MYCBP2: variants seen among roughly 807,000 people sequenced by gnomAD.
MYCBP2 encodes MYC binding protein 2.
Under a neutral mutation model 525.3 loss-of-function variants are expected in MYCBP2, and 120 were observed. That is an observed-to-expected ratio of 0.23 (90% CI 0.20 to 0.27). MYCBP2 has a LOEUF of 0.27. MYCBP2 is among the 10% of genes least tolerant of loss of function. The pLI is 1.00. For synonymous variants in MYCBP2, 1,894 were observed against 1,955.8 expected, an observed-to-expected ratio of 0.97 and a Z score of 0.83; for missense variants, 4,149 against 5,657.1, an observed-to-expected ratio of 0.73 and a Z score of 8.55.
rs1331832463 is a variant in MYCBP2 at position 77,098,346 on chromosome 13, G to A, written c.8808C>T (p.Cys2936=). The change falls in exon 56 of 83, where the codon TGC becomes TGT. Residue 2936 remains cysteine (C), a synonymous_variant. Transcript: ENST00000544440. ...TATTTGTTTTTAAAGTACTTGAGGT[G>A]CAGACTTCGACCACCTCACTGTGGA... The part of the protein sequence containing the change: ...ENLHSEVVEV[C]TSSTLKTNSL... The A allele has an allele frequency of 1.9e-6, 3 of 1,612,098 alleles. No individual in the cohort carries two copies. Among genetic ancestry groups the A allele is most frequent in the Non-Finnish European group, 2.5e-6 (3 of 1,179,776 alleles).
intron 72 of MYCBP2, among the ~76,000 whole-genome samples, 171 bp from the exon 73 acceptor site, chr13:77,064,905 T>C (rs1400839656): frequency 2.6e-5 from 4 of 152,168 alleles, no homozygotes; most frequent in South Asian, 2.1e-4. Context: ...CGTGATCCTA[T>C]GGAAAATTCA....
chr13:77,126,283 T>C (rs545086013), intron 53 of MYCBP2, 35 bp downstream of exon 53: 2 of 1,557,896 alleles, frequency 1.3e-6, no homozygotes, highest in Non-Finnish European at 8.8e-7. Context: ...TAAAAATGAG[T>C]ATCTTAGAAG....
At chr13:77,103,155 G>T in intron 55 of MYCBP2, 1 of 396,920 alleles carries the variant, frequency 2.5e-6, no homozygotes, top group South Asian at 1.3e-4. Context: ...CATCTTTAAT[G>T]ACACTCCTTA....
rs184319166 is a variant in MYCBP2 at position 77,116,404 on chromosome 13, G to C, written c.8140+4969C>G. Among the ~76,000 whole-genome samples the C allele has an allele frequency of 3.0e-3, 448 of 151,794 alleles. 1 individual carries two copies. The highest frequency in any genetic ancestry group is 9.6e-3 in the African/African-American group (397 of 41,452). ...CCTTGCTTGGGGAGTCTTAAATGTT[G>C]GCACTTTGCCACATTTACCTTTCCC... On this transcript the variant is annotated intron_variant, in intron 55 of 82. Coordinates refer to ENST00000544440, the MANE Select transcript of MYCBP2 (RefSeq NM_015057.5).
chr13:77,253,590 A>G (rs1317883324), intron 14 of MYCBP2, among the ~76,000 whole-genome samples: 1 of 151,962 alleles, frequency 6.6e-6, no homozygotes, highest in African/African-American at 2.4e-5. Flanking sequence ...AAGGGCAGAG[A>G]GGAACATACA....
chr13:77,102,869 T>C (rs1349477034), intron 55 of MYCBP2, among the ~76,000 whole-genome samples: 1 of 151,974 alleles, frequency 6.6e-6, no homozygotes, highest in Non-Finnish European at 1.5e-5. Flanking sequence ...ACATATATCA[T>C]CTTTTTCTGA....
intron 14 of MYCBP2, among the ~76,000 whole-genome samples, chr13:77,254,151 A>G (rs2154331888): frequency 6.6e-6 from 1 of 152,080 alleles, no homozygotes; most frequent in Admixed American, 6.5e-5. Context: ...TAACAGATTA[A>G]CACTTATAAA....
intron 47 of MYCBP2, among the ~76,000 whole-genome samples, chr13:77,148,510 A>ACT (rs147307074): frequency 0.071 from 10,756 of 151,814 alleles, 583 homozygotes; most frequent in African/African-American, 0.15. Context: ...TACTTCCTTG[A>ACT]CTCTGAAATT....
intron 33 of MYCBP2, among the ~76,000 whole-genome samples, chr13:77,181,287 T>C (rs1409394563): frequency 6.6e-6 from 1 of 152,192 alleles, no homozygotes; most frequent in Admixed American, 6.5e-5. Flanking sequence ...TATTTTAATA[T>C]ACCAAAGTGT....
intron 7 of MYCBP2, among the ~76,000 whole-genome samples, chr13:77,268,899 T>C (rs2074469088): frequency 6.6e-6 from 1 of 152,234 alleles, no homozygotes; most frequent in African/African-American, 2.4e-5. Flanking sequence ...TCTTTTATCA[T>C]TTGATCCTGA....
chr13:77,285,893 G>GGAAAGGAAAGGAAA (rs2076700922), intron 3 of MYCBP2, among the ~76,000 whole-genome samples: 1 of 141,974 alleles, frequency 7.0e-6, no homozygotes, highest in Non-Finnish European at 1.5e-5. Flanking sequence ...GGAAAGGAAA[G>GGAAAGGAAAGGAAA]GAAAGCAAAG....
intron 18 of MYCBP2, among the ~76,000 whole-genome samples, chr13:77,232,328 TG>T (rs1461382227): frequency 6.6e-6 from 1 of 152,168 alleles, no homozygotes; most frequent in Non-Finnish European, 1.5e-5. Context: ...TTTAAGAAAA[TG>T]GGAGTTTTAA....
In MYCBP2 at chr13:77,088,832, C is replaced by T; in HGVS notation, c.10725G>A (p.Glu3575=). 6.2e-7 allele frequency: 1 copy of T among 1,610,398 alleles called. No homozygotes were observed. Among genetic ancestry groups the T allele is most frequent in the Non-Finnish European group, 8.5e-7 (1 of 1,177,396 alleles). Residue 3575 remains glutamate (E), a splice_region_variant and synonymous_variant, in exon 61 of 83, where the codon GAG becomes GAA. Transcript: ENST00000544440. ...AGTAATTTCATTAATGTCTTCATAC[C>T]TCCATAGCAAAAACTCGACAAGCAG... is the stretch of plus-strand genomic sequence containing the variant. ...RKSACRVFAM[E]AFNWLLCNVI...
Position 77,098,424 on chromosome 13 carries a change from A to G in MYCBP2, c.8730T>C (p.Asp2910=). Residue 2910 remains aspartate, a synonymous_variant, in exon 56 of 83, where the codon GAT becomes GAC. Transcript: ENST00000544440. ...KPKSVPKDST[D]SPGSENRAPS... is the part of the protein sequence containing the mutation. ...GAGCTCTATTTTCAGATCCAGGGGAATCTGTAGAATCCTTTGGTACTGATT... is the reference window on the plus strand; with the variant it reads ...GAGCTCTATTTTCAGATCCAGGGGAGTCTGTAGAATCCTTTGGTACTGATT... 6.2e-7 allele frequency: 1 copy of G among 1,613,628 alleles called. No homozygotes were observed.
chr13:77,203,216 T>C (rs1306340612), intron 26 of MYCBP2, among the ~76,000 whole-genome samples: 1 of 152,178 alleles, frequency 6.6e-6, no homozygotes, highest in Non-Finnish European at 1.5e-5. Context: ...ACAAAATCAA[T>C]GTACAAAAAT....
At chr13:77,266,934 A>T (rs991452423) in intron 8 of MYCBP2, among the ~76,000 whole-genome samples, 1 of 152,014 alleles carries the variant, frequency 6.6e-6, no homozygotes, top group African/African-American at 2.4e-5. Flanking sequence ...GTAAGGTTCA[A>T]ATAAATGTTT....
At chr13:77,047,832 G>A (rs888775042) in intron 82 of MYCBP2, among the ~76,000 whole-genome samples, 3 of 152,120 alleles carry the variant, frequency 2.0e-5, no homozygotes, top group African/African-American at 4.8e-5. Context: ...GCTGAGTCAC[G>A]CTGCGGGCCA....
chr13:77,249,911 A>G (rs1323272281), intron 15 of MYCBP2, among the ~76,000 whole-genome samples: 1 of 152,216 alleles, frequency 6.6e-6, no homozygotes, highest in Non-Finnish European at 1.5e-5. Context: ...TATACTAATA[A>G]TGTAAAGAAA....
chr13:77,177,213 A>C (rs2059790739), intron 35 of MYCBP2, among the ~76,000 whole-genome samples: 1 of 151,970 alleles, frequency 6.6e-6, no homozygotes, highest in Admixed American at 6.6e-5. Flanking sequence ...TTAGTCTTTA[A>C]TTCTACTTTA....
Sources: allele counts gnomAD v4.1 joint callset (sites outside exome capture counted in the v4.1 genomes callset), GRCh38; gene constraint gnomAD v4.1.1; transcripts MANE v1.5; gene names NCBI Gene and HGNC (gene_info 2026-07-23, HGNC 2026-07-21).